The following COL24A1 variants were observed in gnomAD, a reference collection of about 807,000 sequenced individuals.
COL24A1 encodes collagen alpha-1(XXIV) chain.
In COL24A1, 224 loss-of-function variants were observed where a neutral mutation model predicts 253.9. The observed-to-expected ratio is 0.88, with a 90% CI of 0.79 to 0.99. The LOEUF (loss-of-function observed/expected upper bound fraction) is 0.99. Ranked by LOEUF, COL24A1 falls within the 50% of genes least tolerant of loss-of-function variation. The probability of loss-of-function intolerance (pLI) is 0.00; values close to 1 mark genes in which losing one functional copy is unlikely to be tolerated. For missense variants in COL24A1, 2,131 were observed against 2,068.5 expected, an observed-to-expected ratio of 1.03 and a Z score of -0.59; for synonymous variants, 685 against 673.7, an observed-to-expected ratio of 1.02 and a Z score of -0.26.
intron 53 of COL24A1, among the ~76,000 whole-genome samples, chr1:85,765,366 T>C (rs1478937280): frequency 6.6e-6 from 1 of 151,954 alleles, no homozygotes; most frequent in Non-Finnish European, 1.5e-5. Flanking sequence ...TTTTTATTAT[T>C]TCTATAGCTG....
intron 10 of COL24A1, among the ~76,000 whole-genome samples, chr1:86,053,614 A>C (rs777558037): frequency 5.9e-5 from 9 of 152,068 alleles, no homozygotes; most frequent in Non-Finnish European, 1.0e-4. Flanking sequence ...TCCAGTTAGA[A>C]GCAATTTTGT....
At chr1:86,008,385 T>C (rs1203931140) in intron 19 of COL24A1, among the ~76,000 whole-genome samples, 1 of 152,058 alleles carries the variant, frequency 6.6e-6, no homozygotes, top group African/African-American at 2.4e-5. Context: ...GCTGGGACTA[T>C]AAATGCACAC....
At chr1:85,887,918 A>G (rs1682700004) in intron 32 of COL24A1, among the ~76,000 whole-genome samples, 1 of 152,018 alleles carries the variant, frequency 6.6e-6, no homozygotes, top group South Asian at 2.1e-4. Flanking sequence ...ACATTTTTTA[A>G]CTTCAGTGTA....
chr1:85,964,045 C>A (rs555256110), intron 23 of COL24A1, among the ~76,000 whole-genome samples: 83 of 152,202 alleles, frequency 5.5e-4, no homozygotes, highest in African/African-American at 1.9e-3. Flanking sequence ...TACTTCAGCT[C>A]ATATTTCTTT....
At chr1:85,732,760 G>T (rs1408653704) in intron 59 of COL24A1, among the ~76,000 whole-genome samples, 3 of 151,878 alleles carry the variant, frequency 2.0e-5, no homozygotes, top group Admixed American at 2.0e-4. Context: ...TATAAAATAG[G>T]ACCAATAATA....
chr1:85,742,529 C>A lies in COL24A1; in HGVS notation c.4672+2137G>T, dbSNP rs138496193. ...ATGTAAATGATTTCATAATTTTTAC[C>A]CTTACTTAGGATCTCCTTCTTGACC... On this transcript the variant is annotated intron_variant, in intron 57 of 59. Coordinates refer to ENST00000370571, the MANE Select transcript of COL24A1 (RefSeq NM_152890.7). Among the ~76,000 whole-genome samples the A allele has an allele frequency of 3.7e-3, 567 of 152,106 alleles. 1 individual carries two copies. The highest frequency in any genetic ancestry group is 5.8e-3 in the Admixed American group (88 of 15,272).
At chr1:85,780,843 T>A (rs754920571) in intron 52 of COL24A1, among the ~76,000 whole-genome samples, 18 of 152,170 alleles carry the variant, frequency 1.2e-4, no homozygotes, top group Non-Finnish European at 2.5e-4. Flanking sequence ...GATTCTTTCC[T>A]TCCTTTATAG....
intron 43 of COL24A1, 98 bp from the exon 44 acceptor site, chr1:85,823,836 G>A: frequency 9.4e-7 from 1 of 1,069,382 alleles, no homozygotes; most frequent in Non-Finnish European, 1.4e-6. Flanking sequence ...GTGTTGCAAA[G>A]CTCAACTTAA....
chr1:85,995,033 A>G (rs915740524), intron 19 of COL24A1, among the ~76,000 whole-genome samples: 1 of 152,198 alleles, frequency 6.6e-6, no homozygotes, highest in African/African-American at 2.4e-5. Flanking sequence ...TCAATTCCAT[A>G]TGTGCAGCAT....
chr1:86,129,020 AT>A (rs747870215), intron 2 of COL24A1, among the ~76,000 whole-genome samples: 2 of 151,796 alleles, frequency 1.3e-5, no homozygotes, highest in African/African-American at 2.4e-5. Context: ...TTGAAATTAC[AT>A]TTTTTCCCAA....
At chr1:85,823,149 T>C (rs1673840865) in intron 45 of COL24A1, among the ~76,000 whole-genome samples, 1 of 152,204 alleles carries the variant, frequency 6.6e-6, no homozygotes. Context: ...TATCATTTAA[T>C]AATTTTTTCT....
At chr1:85,733,899 T>C (rs1390578785) in intron 59 of COL24A1, among the ~76,000 whole-genome samples, 2 of 140,910 alleles carry the variant, frequency 1.4e-5, no homozygotes, top group Non-Finnish European at 3.1e-5. Context: ...TAATTTAATT[T>C]AATTTAATTT....
At chr1:85,979,222 C>T (rs900694864) in intron 20 of COL24A1, among the ~76,000 whole-genome samples, 1 of 152,028 alleles carries the variant, frequency 6.6e-6, no homozygotes, top group African/African-American at 2.4e-5. Context: ...GTATTAAATG[C>T]CTATATCAAA....
chr1:85,962,232 C>G (rs1691155160), intron 23 of COL24A1, among the ~76,000 whole-genome samples: 1 of 152,142 alleles, frequency 6.6e-6, no homozygotes, highest in African/African-American at 2.4e-5. Flanking sequence ...GCAGCTAGAG[C>G]TGGCATCACT....
At chr1:86,007,827 G>A (rs761680010) in intron 19 of COL24A1, among the ~76,000 whole-genome samples, 2 of 152,102 alleles carry the variant, frequency 1.3e-5, no homozygotes, top group Non-Finnish European at 1.5e-5. Flanking sequence ...AGGGATGAAC[G>A]GGCAGAGCAC....
chr1:85,892,504 T>C (rs1013938171), intron 31 of COL24A1, among the ~76,000 whole-genome samples: 1 of 152,064 alleles, frequency 6.6e-6, no homozygotes, highest in Non-Finnish European at 1.5e-5. Flanking sequence ...TGACACCATT[T>C]GGAAACACAA....
chr1:86,107,028 C>A (rs187728859), intron 5 of COL24A1, among the ~76,000 whole-genome samples: 1 of 152,142 alleles, frequency 6.6e-6, no homozygotes, highest in South Asian at 2.1e-4. Flanking sequence ...TAACCTGGAA[C>A]CTTGGAATAT....
At chr1:85,916,181 G>A (rs1685875924) in intron 24 of COL24A1, among the ~76,000 whole-genome samples, 1 of 152,134 alleles carries the variant, frequency 6.6e-6, no homozygotes, top group Admixed American at 6.5e-5. Context: ...ATATTGGACA[G>A]AACTAAGTAA....
intron 4 of COL24A1, among the ~76,000 whole-genome samples, chr1:86,113,589 T>A (rs1384984273): frequency 6.6e-6 from 1 of 151,962 alleles, no homozygotes; most frequent in Non-Finnish European, 1.5e-5. Flanking sequence ...ATTCTAGCAC[T>A]TTGGGAGGCC....
Sources: allele counts gnomAD v4.1 joint callset (sites outside exome capture counted in the v4.1 genomes callset), GRCh38; gene constraint gnomAD v4.1.1; transcripts MANE v1.5; gene names NCBI Gene and HGNC (gene_info 2026-07-23, HGNC 2026-07-21).